The following RBMS3 variants were observed in gnomAD, a reference collection of about 807,000 sequenced individuals.
RBMS3 encodes RNA binding motif single stranded interacting protein 3, also known as RNA-binding motif, single-stranded-interacting protein 3.
Under a neutral mutation model 66.8 loss-of-function variants are expected in RBMS3, and 27 were observed. That is an observed-to-expected ratio of 0.40 (90% CI 0.30 to 0.56). The LOEUF (loss-of-function observed/expected upper bound fraction) is 0.56, where lower values mean the gene tolerates loss of function less well. RBMS3 is among the 20% of genes least tolerant of loss of function. RBMS3 has a pLI of 0.40. For missense variants in RBMS3, 513 were observed against 549.5 expected, an observed-to-expected ratio of 0.93 and a Z score of 0.66; for synonymous variants, 188 against 183.0, an observed-to-expected ratio of 1.03 and a Z score of -0.22.
At chr3:29,972,026 T>A (rs1193404661) in intron 12 of RBMS3, among the ~76,000 whole-genome samples, 1 of 152,160 alleles carries the variant, frequency 6.6e-6, no homozygotes, top group Non-Finnish European at 1.5e-5. Context: ...ATTTTAAGAA[T>A]TGAATGGGAG....
intron 3 of RBMS3, among the ~76,000 whole-genome samples, chr3:29,518,787 T>C (rs1306703407): frequency 6.6e-6 from 1 of 152,210 alleles, no homozygotes; most frequent in African/African-American, 2.4e-5. Context: ...ACATTCTAAT[T>C]TTGTGTCTCA....
rs376210051 is a variant in RBMS3 at position 29,897,413 on chromosome 3, C to T, written c.826C>T (p.Arg276Cys). ...TTCACCGTACAGTATTGCAACCAAC[C>T]GCATGATTCCACAGACATCTATCAC... is the stretch of plus-strand genomic sequence containing the variant. ...YSSPYSIATN[R>C]MIPQTSITPF... The change falls in exon 9 of 15, where the codon CGC becomes TGC. Residue 276 changes from arginine to cysteine, a missense_variant. Transcript: ENST00000383767. 2.4e-5 allele frequency: 38 copies of T among 1,610,940 alleles called. No individual in the cohort carries two copies. The highest frequency in any genetic ancestry group is 1.7e-4 in the Admixed American group (10 of 59,734).
rs1279475706 is a variant in RBMS3 at position 29,590,069 on chromosome 3, C to T, written c.399+2864C>T. On this transcript the variant is annotated intron_variant, in intron 4 of 14. Transcript: ENST00000383767. ...AACATTTTTCTGTATACTTACTGTT[C>T]TGCCACAAAGGAGTTTATTTATTTT... Among the ~76,000 whole-genome samples, 4 of 146,364 alleles carry T rather than the reference C, an allele frequency of 2.7e-5. No homozygotes were observed. The Admixed American group carries it at 2.9e-4, about 10-fold the overall frequency.
chr3:29,566,222 A>G (rs1376546290), intron 3 of RBMS3, among the ~76,000 whole-genome samples: 1 of 152,142 alleles, frequency 6.6e-6, no homozygotes, highest in Middle Eastern at 3.2e-3. Context: ...TAAACAAATA[A>G]AATAATCCAC....
chr3:29,407,035 G>A (rs1022484809), intron 1 of RBMS3, among the ~76,000 whole-genome samples: 1 of 152,100 alleles, frequency 6.6e-6, no homozygotes, highest in Non-Finnish European at 1.5e-5. Context: ...CCTTATAGAT[G>A]GGTCTCCAGG....
At chr3:29,795,109 T>C (rs2057139919) in intron 6 of RBMS3, among the ~76,000 whole-genome samples, 1 of 152,186 alleles carries the variant, frequency 6.6e-6, no homozygotes, top group African/African-American at 2.4e-5. Context: ...TTCCATTATG[T>C]CAGCTGTTGT....
At chr3:29,783,362 C>T (rs1321464484) in intron 6 of RBMS3, among the ~76,000 whole-genome samples, 1 of 152,140 alleles carries the variant, frequency 6.6e-6, no homozygotes, top group East Asian at 1.9e-4. Flanking sequence ...CAGCAGAAAT[C>T]CTACCCGCTA....
chr3:29,358,211 T>C (rs1290394918), intron 1 of RBMS3, among the ~76,000 whole-genome samples: 1 of 152,222 alleles, frequency 6.6e-6, no homozygotes, highest in East Asian at 1.9e-4. Context: ...CCATCTTGAA[T>C]TAATTTTTGT....
intron 4 of RBMS3, among the ~76,000 whole-genome samples, chr3:29,681,382 C>T (rs1264628439): frequency 6.6e-6 from 1 of 152,036 alleles, no homozygotes; most frequent in Admixed American, 6.6e-5. Flanking sequence ...ACATGTGCAG[C>T]ATGTGCAGGT....
chr3:29,475,513 G>A (rs538350091), intron 2 of RBMS3, among the ~76,000 whole-genome samples: 1 of 152,240 alleles, frequency 6.6e-6, no homozygotes, highest in Non-Finnish European at 1.5e-5. Context: ...GCCTCCCAAA[G>A]TGCTGGGATT....
chr3:29,658,197 T>C (rs2050393076), intron 4 of RBMS3, among the ~76,000 whole-genome samples: 1 of 152,230 alleles, frequency 6.6e-6, no homozygotes, highest in African/African-American at 2.4e-5. Context: ...GTGAAGATCT[T>C]ATAACATTAT....
At chr3:29,628,883 T>C (rs1445754093) in intron 4 of RBMS3, among the ~76,000 whole-genome samples, 8 of 152,148 alleles carry the variant, frequency 5.3e-5, no homozygotes, top group African/African-American at 1.9e-4. Flanking sequence ...TTCTAAGTGA[T>C]TTTTTGACTG....
intron 5 of RBMS3, among the ~76,000 whole-genome samples, chr3:29,762,694 C>T (rs2055745408): frequency 6.6e-6 from 1 of 152,090 alleles, no homozygotes; most frequent in South Asian, 2.1e-4. Context: ...GAGCCCTCCA[C>T]ATAGACACCT....
intron 2 of RBMS3, among the ~76,000 whole-genome samples, chr3:29,444,399 C>T (rs911030226): frequency 6.6e-6 from 1 of 151,970 alleles, no homozygotes; most frequent in African/African-American, 2.4e-5. Context: ...CATCTCTTAA[C>T]CATGATCCAT....
chr3:29,996,287 A>G (rs897334056), intron 14 of RBMS3, among the ~76,000 whole-genome samples: 5 of 151,756 alleles, frequency 3.3e-5, no homozygotes, highest in South Asian at 2.1e-4. Context: ...AGTGACCTAC[A>G]AAGAGACTTA....
intron 1 of RBMS3, among the ~76,000 whole-genome samples, chr3:29,331,750 G>A (rs1018488867): frequency 2.1e-4 from 31 of 150,892 alleles, no homozygotes; most frequent in African/African-American, 7.1e-4. Context: ...ATTCACAGGG[G>A]CTTGTCCATA....
intron 2 of RBMS3, among the ~76,000 whole-genome samples, chr3:29,450,857 T>C (rs1269669982): frequency 6.6e-6 from 1 of 151,678 alleles, no homozygotes; most frequent in Non-Finnish European, 1.5e-5. Context: ...GCAAGTACTA[T>C]GCCCAGTACC....
chr3:29,967,882 CCTG>C (rs1376365169), intron 12 of RBMS3, among the ~76,000 whole-genome samples: 1 of 151,926 alleles, frequency 6.6e-6, no homozygotes, highest in African/African-American at 2.4e-5. Context: ...TTACTAATGT[CCTG>C]TTAATTTTAT....
At position 29,991,216 on chromosome 3, in the gene RBMS3, C is replaced by A; in HGVS notation, c.1307+7C>A. On this transcript the variant is annotated splice_region_variant and intron_variant, in intron 14 of 14. Transcript: ENST00000383767. ...ATTCTTACCAACAGTCTAAGTAAGT[C>A]TGGGCTGTGCTAAGCTCTTTTCCTC... 1 of 1,613,726 alleles carries A rather than the reference C, an allele frequency of 6.2e-7. No individual in the cohort carries two copies. The highest frequency in any genetic ancestry group is 8.5e-7 in the Non-Finnish European group (1 of 1,179,992).
Sources: allele counts gnomAD v4.1 joint callset (sites outside exome capture counted in the v4.1 genomes callset), GRCh38; gene constraint gnomAD v4.1.1; transcripts MANE v1.5; gene names NCBI Gene and HGNC (gene_info 2026-07-23, HGNC 2026-07-21).